Variants in PIAS1 observed in about 807,000 individuals in gnomAD.
The protein encoded by PIAS1 is E3 SUMO-protein ligase PIAS1.
In PIAS1, 6 loss-of-function variants were observed where a neutral mutation model predicts 71.3. The ratio of observed to expected loss-of-function variants is 0.08; its 90% CI spans 0.05 to 0.17. The LOEUF (loss-of-function observed/expected upper bound fraction) is 0.17, where lower values mean the gene tolerates loss of function less well. Among genes scored for constraint, PIAS1 ranks in the 10% least tolerant of loss-of-function variants. PIAS1 has a pLI of 1.00. For synonymous variants in PIAS1, 303 were observed against 292.9 expected (o/e 1.03, Z -0.35); for missense variants, 555 against 793.6 (o/e 0.70, Z 3.61).
In PIAS1 at chr15:68,189,343, G is replaced by C. The variant is rs893482543; in HGVS notation, c.*1508G>C. The C allele has an allele frequency of 2.0e-5, 3 of 152,150 alleles. No homozygotes were observed. Among genetic ancestry groups the C allele is most frequent in the Non-Finnish European group, 4.4e-5 (3 of 68,030 alleles). The allele number at this position is 152,150 out of a possible 1,614,324, so 9.4% of individuals were successfully genotyped here. ...GCAGGTTTAACAGAAGAGATAAGGG[G>C]CATAATGACTGCTGGTTTTCCAGAC... On this transcript the variant is annotated 3_prime_UTR_variant, in exon 14 of 14. Coordinates refer to ENST00000249636, the MANE Select transcript of PIAS1 (RefSeq NM_016166.3).
At chr15:68,072,747 TATC>T (rs2092112859) in intron 1 of PIAS1, among the ~76,000 whole-genome samples, 1 of 152,242 alleles carries the variant, frequency 6.6e-6, no homozygotes, top group Non-Finnish European at 1.5e-5. Context: ...TCTAAATTGG[TATC>T]ATATCTTACA....
chr15:68,142,699 CAGTT>C lies in PIAS1; in HGVS notation c.602+363_602+366del, dbSNP rs201915841. ...ATATCTAACCATATTTGATTGCCCT[CAGTT>C]GGTTGAGAAGCTCCAGCTAATGATA... On this transcript the variant is annotated intron_variant, in intron 4 of 13. Coordinates refer to ENST00000249636, the MANE Select transcript of PIAS1 (RefSeq NM_016166.3). Among the ~76,000 whole-genome samples the C allele has an allele frequency of 2.3e-3, 348 of 149,082 alleles. 10 individuals carry two copies. In the East Asian group the frequency reaches 0.053, roughly 23 times the overall value.
intron 13 of PIAS1, chr15:68,184,009 T>C (rs2141105558): frequency 1.2e-5 from 2 of 166,692 alleles, no homozygotes; most frequent in African/African-American, 4.8e-5. Flanking sequence ...CTACTTTTTT[T>C]TTTTTTAAGT....
intron 12 of PIAS1, among the ~76,000 whole-genome samples, chr15:68,182,487 C>CTGAGTGTGTGTGTG (rs1324738147): frequency 1.5e-4 from 2 of 13,156 alleles, no homozygotes; most frequent in African/African-American, 3.1e-4. Context: ...ATTGCTCAGG[C>CTGAGTGTGTGTGTG]TGCGTGTGTG....
chr15:68,116,640 CT>C (rs1316169467), intron 2 of PIAS1, among the ~76,000 whole-genome samples: 1 of 151,818 alleles, frequency 6.6e-6, no homozygotes, highest in Non-Finnish European at 1.5e-5. Context: ...TTTCTCTTCT[CT>C]TTTTTTAGTT....
At chr15:68,172,705 A>G (rs1298106610) in intron 8 of PIAS1, among the ~76,000 whole-genome samples, 2 of 152,256 alleles carry the variant, frequency 1.3e-5, no homozygotes, top group African/African-American at 4.8e-5. Flanking sequence ...CAGTGGTACA[A>G]GCTGGCTTCC....
At chr15:68,072,399 CAAAAAAAAAA>C (rs1166484451) in intron 1 of PIAS1, among the ~76,000 whole-genome samples, 20 of 25,024 alleles carry the variant, frequency 8.0e-4, no homozygotes, top group South Asian at 2.2e-3. Context: ...GACTCCATCT[CAAAAAAAAAA>C]AAAAAAAAAA....
intron 7 of PIAS1, among the ~76,000 whole-genome samples, chr15:68,159,272 T>G (rs2092909890): frequency 6.6e-6 from 1 of 152,188 alleles, no homozygotes; most frequent in Admixed American, 6.5e-5. Flanking sequence ...GCTTCTACTT[T>G]TACTTTATTT....
intron 2 of PIAS1, among the ~76,000 whole-genome samples, chr15:68,090,573 G>A (rs943838265): frequency 1.3e-5 from 2 of 152,072 alleles, no homozygotes; most frequent in Admixed American, 6.6e-5. Context: ...TCTCCAACTC[G>A]TTTTAATGCA....
intron 2 of PIAS1, among the ~76,000 whole-genome samples, chr15:68,121,322 G>A (rs1032620096): frequency 2.8e-5 from 4 of 143,340 alleles, no homozygotes; most frequent in African/African-American, 1.0e-4. Flanking sequence ...TCTGTTTTCT[G>A]CTTGCATTAT....
chr15:68,156,616 C>T (rs1165434602), intron 7 of PIAS1, among the ~76,000 whole-genome samples: 2 of 149,996 alleles, frequency 1.3e-5, no homozygotes, highest in Non-Finnish European at 3.0e-5. Flanking sequence ...GGCTGAGGCA[C>T]GAGAATCGCT....
At chr15:68,071,289 C>A (rs1301129961) in intron 1 of PIAS1, among the ~76,000 whole-genome samples, 4 of 102,766 alleles carry the variant, frequency 3.9e-5, no homozygotes, top group Non-Finnish European at 7.4e-5. Context: ...TTTTTTTTGA[C>A]AGAGTCTCAC....
intron 1 of PIAS1, among the ~76,000 whole-genome samples, chr15:68,065,875 G>GGACTTCA (rs1373860166): frequency 1.5e-5 from 2 of 135,034 alleles, no homozygotes; most frequent in Non-Finnish European, 3.1e-5. Context: ...TGAGTAGCTA[G>GGACTTCA]GACTTCAGGT....
chr15:68,149,039 A>T (rs371358259), intron 6 of PIAS1, among the ~76,000 whole-genome samples: 1 of 152,056 alleles, frequency 6.6e-6, no homozygotes, highest in African/African-American at 2.4e-5. Context: ...TGCTGCTGAG[A>T]TAGAGGAAAC....
rs1361837979 is a variant in PIAS1, at chr15:68,176,547, A to G, written c.1374A>G (p.Glu458=). The G allele has an allele frequency of 1.9e-6, 3 of 1,613,042 alleles. No individual in the cohort carries two copies. The highest frequency in any genetic ancestry group is 2.5e-6 in the Non-Finnish European group (3 of 1,179,440). ...HQSSNKNKKV[E]VIDLTIDSSS... is the part of the protein sequence containing the mutation. The stretch of plus-strand genomic sequence containing the variant: ...CCTCAAATAAAAACAAGAAAGTAGA[A>G]GTGATTGACCTAACCATAGACAGTT... Residue 458 remains glutamate (E), a synonymous_variant, in exon 11 of 14, where the codon GAA becomes GAG. Transcript: ENST00000249636.
chr15:68,088,244 C>T (rs978876648), intron 2 of PIAS1, among the ~76,000 whole-genome samples: 9 of 137,944 alleles, frequency 6.5e-5, no homozygotes, highest in East Asian at 2.2e-4. Context: ...ATCCATATCT[C>T]TGTATATGGT....
At chr15:68,154,893 A>G (rs569856727) in intron 7 of PIAS1, among the ~76,000 whole-genome samples, 2 of 152,304 alleles carry the variant, frequency 1.3e-5, no homozygotes, top group African/African-American at 2.4e-5. Context: ...GAAGGAGAGT[A>G]TAAGATAACT....
At chr15:68,099,232 T>G (rs1162399174) in intron 2 of PIAS1, among the ~76,000 whole-genome samples, 1 of 151,482 alleles carries the variant, frequency 6.6e-6, no homozygotes, top group Non-Finnish European at 1.5e-5. Flanking sequence ...TCACTCAGGC[T>G]GGGTGACTAT....
At position 68,178,774 on chromosome 15, in the gene PIAS1, C is replaced by G. The variant is rs576351761; in HGVS notation, c.1481+2120C>G. 1.2e-3 allele frequency among the ~76,000 whole-genome samples: 178 copies of G among 151,986 alleles called. No homozygotes were observed. Among genetic ancestry groups the G allele is most frequent in the African/African-American group, 4.1e-3 (168 of 41,424 alleles). The stretch of plus-strand genomic sequence containing the variant: ...GTAATATGTATTTATGTAAACTATG[C>G]AATAGTATTACTGACTATATATTTT... On this transcript the variant is annotated intron_variant, in intron 11 of 13. Transcript: ENST00000249636. This position sits in a 1 kb window ranked among gnomAD's most constrained non-coding sequence, Gnocchi z 4.2.
Sources: gnomAD v4.1 joint callset for allele counts (sites outside exome capture counted in the v4.1 genomes callset) on GRCh38, gnomAD v4.1.1 for gene constraint, Gnocchi (gnomAD v3.1) non-coding constraint, MANE v1.5 for transcripts, NCBI Gene and HGNC (gene_info 2026-07-23, HGNC 2026-07-21) for gene names.